VASH2: variants seen among roughly 807,000 people sequenced by gnomAD.
The protein encoded by VASH2 is vasohibin 2, also known as tubulinyl-Tyr carboxypeptidase 2.
A neutral mutation model predicts 37.2 loss-of-function variants in VASH2; 28 were observed. The ratio of observed to expected loss-of-function variants is 0.75; its 90% CI spans 0.56 to 1.03. VASH2 has a LOEUF of 1.03. Ranked by LOEUF, VASH2 falls within the 50% of genes least tolerant of loss-of-function variation. The pLI is 0.00. For synonymous variants in VASH2, 188 were observed against 174.7 expected (o/e 1.08, Z -0.60); for missense variants, 419 against 459.1 (o/e 0.91, Z 0.80).
intron 7 of VASH2, among the ~76,000 whole-genome samples, chr1:212,976,692 T>C (rs1667183542): frequency 6.6e-6 from 1 of 152,188 alleles, no homozygotes; most frequent in Non-Finnish European, 1.5e-5. Flanking sequence ...CACCTGCGCC[T>C]GCAGAGGACA....
At chr1:212,962,233 C>A (rs1558143855) in intron 3 of VASH2, among the ~76,000 whole-genome samples, 2 of 152,200 alleles carry the variant, frequency 1.3e-5, no homozygotes. Flanking sequence ...CTCCCACGAG[C>A]AATGCTGTAG....
chr1:212,970,716 C>A (rs1187492648), intron 5 of VASH2, among the ~76,000 whole-genome samples: 1 of 152,012 alleles, frequency 6.6e-6, no homozygotes, highest in Non-Finnish European at 1.5e-5. Context: ...ATTGTGAAAC[C>A]CCGTCTTTAC....
intron 2 of VASH2, among the ~76,000 whole-genome samples, chr1:212,953,442 C>T (rs1324079101): frequency 6.6e-6 from 1 of 152,150 alleles, no homozygotes. Flanking sequence ...CAGCACCCTC[C>T]CACCCGCAAA....
Position 212,951,729 on chromosome 1 carries a change from T to C in VASH2, c.187T>C (p.Trp63Arg), listed in dbSNP as rs771886693. 1 of 1,606,644 alleles carries C rather than the reference T, an allele frequency of 6.2e-7. No individual in the cohort carries two copies. The highest frequency in any genetic ancestry group is 1.7e-5 in the Admixed American group (1 of 58,682). The change falls in exon 2 of 8, where the codon TGG (tryptophan) becomes CGG (arginine). Residue 63 changes from tryptophan (W) to arginine (R), a missense_variant. By Grantham distance (101) the Trp-to-Arg change is moderately radical. Transcript: ENST00000517399. This position sits in a 1 kb window ranked among gnomAD's most constrained non-coding sequence, Gnocchi z 4.4. ...CGGCTTCCCCATCGACAGCCACACCTGGGAGCGCATGTGGATGCACGTGGC... is the reference window on the plus strand; with the variant it reads ...CGGCTTCCCCATCGACAGCCACACCCGGGAGCGCATGTGGATGCACGTGGC... ...KSGFPIDSHT[W>R]ERMWMHVAKV...
intron 4 of VASH2, 68 bp from the exon 5 acceptor site, chr1:212,966,203 G>T (rs1419062022): frequency 9.4e-6 from 13 of 1,383,110 alleles, no homozygotes; most frequent in Non-Finnish European, 1.3e-5. Context: ...CATGCTGATG[G>T]ATTGACAGAC....
At chr1:212,988,285 T>G (rs972700364) in intron 7 of VASH2, among the ~76,000 whole-genome samples, 1 of 152,214 alleles carries the variant, frequency 6.6e-6, no homozygotes, top group Non-Finnish European at 1.5e-5. Context: ...CTGAAAACTT[T>G]TCTGAACTCT....
rs1229646625 is a variant in VASH2, at chr1:212,965,709, A to C, written c.366-13A>C. ...GAGTTTTCTGTCACTTTCCCTTTAC[A>C]TACTTTACACAGATATAATCACACA... On this transcript the variant is annotated splice_polypyrimidine_tract_variant and intron_variant, in intron 3 of 7. Coordinates refer to ENST00000517399, the MANE Select transcript of VASH2 (RefSeq NM_001301056.2). 1 of 1,550,000 alleles carries C rather than the reference A, an allele frequency of 6.5e-7. No individual in the cohort carries two copies.
chr1:212,960,382 A>C (rs1666637271), intron 2 of VASH2, among the ~76,000 whole-genome samples: 1 of 152,104 alleles, frequency 6.6e-6, no homozygotes, highest in Admixed American at 6.5e-5. Context: ...TGTGAGCCAG[A>C]GGAGCTGCAC....
At chr1:212,954,205 A>T (rs1479752847) in intron 2 of VASH2, among the ~76,000 whole-genome samples, 1 of 152,048 alleles carries the variant, frequency 6.6e-6, no homozygotes, top group East Asian at 1.9e-4. Context: ...GAGCCACCGC[A>T]TCTGGCCTTT....
chr1:212,966,889 G>C (rs1055307427), intron 5 of VASH2: 3 of 363,048 alleles, frequency 8.3e-6, no homozygotes, highest in Non-Finnish European at 1.6e-5. Context: ...CACCATGCCC[G>C]GCTAATTTTT....
intron 7 of VASH2, among the ~76,000 whole-genome samples, chr1:212,975,324 G>C (rs903182737): frequency 1.3e-5 from 2 of 152,228 alleles, no homozygotes; most frequent in Non-Finnish European, 2.9e-5. Flanking sequence ...GTACTGCCAC[G>C]AGGGCCTTGG....
At chr1:212,969,432 G>A (rs1240045646) in intron 5 of VASH2, among the ~76,000 whole-genome samples, 3 of 152,042 alleles carry the variant, frequency 2.0e-5, no homozygotes, top group African/African-American at 7.2e-5. Flanking sequence ...TGCTGACCTC[G>A]TGATCCGCCC....
chr1:212,987,055 G>A (rs1052080365), intron 7 of VASH2, among the ~76,000 whole-genome samples: 3 of 150,940 alleles, frequency 2.0e-5, no homozygotes, highest in African/African-American at 2.4e-5. Flanking sequence ...GAGAGAGAGA[G>A]AAAAGGGGTA....
At chr1:212,958,429 GC>G (rs1666562494) in intron 2 of VASH2, among the ~76,000 whole-genome samples, 1 of 152,194 alleles carries the variant, frequency 6.6e-6, no homozygotes, top group Non-Finnish European at 1.5e-5. Context: ...GTTTTTAAAA[GC>G]CCTTGGGCGC....
intron 5 of VASH2, chr1:212,967,184 C>G (rs1349205945): frequency 7.7e-7 from 1 of 1,304,128 alleles, no homozygotes; most frequent in Admixed American, 2.3e-5. Context: ...ACTCCCGGCT[C>G]TTCAGCCTGA....
intron 2 of VASH2, among the ~76,000 whole-genome samples, chr1:212,954,765 A>G (rs2102617682): frequency 6.6e-6 from 1 of 152,312 alleles, no homozygotes; most frequent in African/African-American, 2.4e-5. Flanking sequence ...TACTTTTCAT[A>G]GTAACTAGAA....
intron 2 of VASH2, among the ~76,000 whole-genome samples, chr1:212,955,488 G>A (rs182450111): frequency 6.6e-6 from 1 of 152,332 alleles, no homozygotes; most frequent in Admixed American, 6.5e-5. Context: ...AGAGTCAGTT[G>A]GAGGATAATA....
In VASH2 at chr1:212,991,496, T is replaced by G. The variant is rs772826292; in HGVS notation, c.*2912T>G. On this transcript the variant is annotated 3_prime_UTR_variant, in exon 8 of 8. Coordinates refer to ENST00000517399, the MANE Select transcript of VASH2 (RefSeq NM_001301056.2). ...ATAATGGTATTTTAGAGAATGCCAG[T>G]AAGTGCATGTTTCAAGTTAATGTTT... 6.6e-6 allele frequency: 1 copy of G among 152,246 alleles called. No homozygotes were observed. The highest frequency in any genetic ancestry group is 1.5e-5 in the Non-Finnish European group (1 of 68,036). 9.4% of individuals were successfully genotyped at this position (152,246 alleles called of 1,614,324 possible).
chr1:212,979,974 G>C (rs754339604), intron 7 of VASH2, among the ~76,000 whole-genome samples: 6 of 152,198 alleles, frequency 3.9e-5, no homozygotes, highest in Admixed American at 6.5e-5. Context: ...GTTCTCAACT[G>C]GGTCAGCTCT....
Sources: gnomAD v4.1 joint callset for allele counts (sites outside exome capture counted in the v4.1 genomes callset) on GRCh38, gnomAD v4.1.1 for gene constraint, Gnocchi (gnomAD v3.1) non-coding constraint, MANE v1.5 for transcripts, NCBI Gene and HGNC (gene_info 2026-07-23, HGNC 2026-07-21) for gene names.